The following RNF17 variants were observed in gnomAD, a reference collection of about 807,000 sequenced individuals.
The protein encoded by RNF17 is ring finger protein 17, also known as spermatogenesis associated 23.
In RNF17, 31 loss-of-function variants were observed where a neutral mutation model predicts 200.5. The ratio of observed to expected loss-of-function variants is 0.15; its 90% CI spans 0.12 to 0.21. RNF17 has a LOEUF of 0.21. Ranked by LOEUF, RNF17 falls within the 10% of genes least tolerant of loss-of-function variation. RNF17 has a pLI of 1.00. For missense variants in RNF17, 1,628 were observed against 1,905.1 expected (o/e 0.85, Z 2.71); for synonymous variants, 606 against 637.8 (o/e 0.95, Z 0.75).
downstream of RNF17, chr13:24,883,200 C>T: frequency 6.2e-7 from 1 of 1,614,072 alleles, no homozygotes; most frequent in Non-Finnish European, 8.5e-7. Flanking sequence ...TCCATTAGCA[C>T]ATTACCCTCC....
At chr13:24,816,414 A>G (rs55991921) in intron 15 of RNF17, among the ~76,000 whole-genome samples, 29,275 of 152,064 alleles carry the variant, frequency 0.19, 3,372 homozygotes, top group African/African-American at 0.33. Flanking sequence ...AGTGTGGGTC[A>G]CTTGTTCTAC....
intron 15 of RNF17, among the ~76,000 whole-genome samples, chr13:24,815,394 C>G (rs1474770256): frequency 6.6e-6 from 1 of 150,682 alleles, no homozygotes; most frequent in Non-Finnish European, 1.5e-5. Context: ...TTGTGTCTAG[C>G]AACTTTGCTG....
chr13:24,860,742 C>CA (rs553048083), intron 26 of RNF17, among the ~76,000 whole-genome samples: 1 of 150,752 alleles, frequency 6.6e-6, no homozygotes, highest in South Asian at 2.1e-4. Context: ...AGTTTTTTTT[C>CA]AAAAAAAAGT....
At chr13:24,866,545 C>T (rs1452322598) in intron 30 of RNF17, among the ~76,000 whole-genome samples, 3 of 152,128 alleles carry the variant, frequency 2.0e-5, no homozygotes, top group African/African-American at 2.4e-5. Context: ...GGTCCTTTGT[C>T]GCTGGCTTTT....
intron 10 of RNF17, chr13:24,794,214 A>C (rs969031929): frequency 2.2e-6 from 1 of 456,480 alleles, no homozygotes; most frequent in African/African-American, 2.0e-5. Context: ...TCTTCAGAAA[A>C]ACTCATCTGT....
intron 12 of RNF17, 54 bp from the exon 13 acceptor site, chr13:24,800,312 C>A: frequency 1.5e-6 from 2 of 1,305,258 alleles, no homozygotes; most frequent in Admixed American, 2.2e-5. Flanking sequence ...TGGGGGAAAA[C>A]AAATTTAAGT....
In RNF17 at chr13:24,872,488, G is replaced by A. The variant is rs1269421870; in HGVS notation, c.4448-1626G>A. On this transcript the variant is annotated intron_variant, in intron 32 of 35. Coordinates refer to ENST00000255324, the MANE Select transcript of RNF17 (RefSeq NM_031277.3). ...GGATGTACGAAGGGAAGTATATACC[G>A]TACTAATTTTTCCACCGTTTAACTC... Among the ~76,000 whole-genome samples the A allele has an allele frequency of 4.6e-5, 7 of 151,978 alleles. No homozygotes were observed. The East Asian group carries it at 5.8e-4, about 13-fold the overall frequency.
intron 31 of RNF17, among the ~76,000 whole-genome samples, chr13:24,870,102 C>T (rs1330330758): frequency 2.6e-5 from 4 of 152,054 alleles, no homozygotes; most frequent in Non-Finnish European, 2.9e-5. Context: ...CCACCACACG[C>T]GGCTAATTTT....
At chr13:24,759,101 AAAC>A in the RNF17 span, among the ~76,000 whole-genome samples, 2 of 151,120 alleles carry the variant, frequency 1.3e-5, no homozygotes, top group African/African-American at 2.4e-5. Context: ...AAAAAAAAAA[AAAC>A]AACACTTACA....
intron 1 of RNF17, among the ~76,000 whole-genome samples, chr13:24,766,225 T>C (rs10454667): frequency 0.18 from 27,815 of 152,230 alleles, 2,722 homozygotes; most frequent in South Asian, 0.34. Context: ...GATGAATAAA[T>C]AAATAAATAA....
At chr13:24,764,153 A>G (rs1333842554), upstream of RNF17, 2 of 1,527,610 alleles carry the variant, frequency 1.3e-6, no homozygotes, top group African/African-American at 2.7e-5. Flanking sequence ...CGCTGCCGCG[A>G]GGGCCGCCGG....
intron 2 of RNF17, among the ~76,000 whole-genome samples, chr13:24,771,321 A>ATTTTTTTTT (rs750139413): frequency 4.1e-5 from 3 of 72,916 alleles, no homozygotes; most frequent in African/African-American, 9.7e-5. Flanking sequence ...CACACAGATA[A>ATTTTTTTTT]TCTTTTTTTT....
At chr13:24,817,751 G>T (rs955932235) in intron 15 of RNF17, among the ~76,000 whole-genome samples, 2 of 151,616 alleles carry the variant, frequency 1.3e-5, no homozygotes, top group African/African-American at 2.4e-5. Context: ...CTTAAAATTG[G>T]TAGTATTGTC....
rs1483090199 is a variant in RNF17 at position 24,868,645 on chromosome 13, T to G, written c.4207T>G (p.Leu1403Val). ...ETDTPLLPPYLSSSLPSPGEL... is the reference protein window; with the variant it reads ...ETDTPLLPPYVSSSLPSPGEL... ...AGACACTCCTCTTTTACCACCATAT[T>G]TGTCTTCATCTCTGCCTTCCCCAGG... The change falls in exon 31 of 36, where the codon TTG (leucine) becomes GTG (valine). Residue 1403 changes from leucine to valine, a missense_variant. By Grantham distance (32) the Leu-to-Val change is conservative. Transcript: ENST00000255324. The G allele has an allele frequency of 6.2e-7, 1 of 1,611,330 alleles. No individual in the cohort carries two copies. The highest frequency in any genetic ancestry group is 8.5e-7 in the Non-Finnish European group (1 of 1,177,564).
In RNF17 at chr13:24,792,409, A is replaced by G. The variant is rs186276353; in HGVS notation, c.936-633A>G. On this transcript the variant is annotated intron_variant, in intron 9 of 35. Transcript: ENST00000255324. The stretch of plus-strand genomic sequence containing the variant: ...TAAAATTTAAAGCAGAGAAAGGGTA[A>G]TCTGTAAAAAAAAAACTTGAGAAGG... 3.5e-4 allele frequency among the ~76,000 whole-genome samples: 53 copies of G among 151,996 alleles called. No homozygotes were observed. In the South Asian group the frequency reaches 5.4e-3, roughly 15 times the overall value.
chr13:24,867,397 GT>G (rs984297052), intron 30 of RNF17, among the ~76,000 whole-genome samples: 2 of 151,800 alleles, frequency 1.3e-5, no homozygotes, highest in African/African-American at 2.4e-5. Flanking sequence ...CAATTTATCT[GT>G]TTTTTTTCTT....
chr13:24,850,423 A>G lies in RNF17; in HGVS notation c.3184A>G (p.Ile1062Val), dbSNP rs149990146. ...LYLTGAVATIILQVDSEENNT... is the reference protein window; with the variant it reads ...LYLTGAVATIVLQVDSEENNT... Reference sequence around the variant, plus strand: ...CCTGACTGGAGCTGTAGCAACTATAATCTTACAGGTGGATAGTGAGGTAAC... The same window carrying G: ...CCTGACTGGAGCTGTAGCAACTATAGTCTTACAGGTGGATAGTGAGGTAAC... The change falls in exon 23 of 36, where the codon ATC (isoleucine) becomes GTC (valine). Residue 1062 changes from isoleucine to valine, a missense_variant. Physicochemically the swap from Ile to Val is conservative, Grantham distance 29 (BLOSUM62 3). This residue lies in a region of RNF17 where 609 missense variants were observed against 681.9 expected (regional missense o/e 0.89). Transcript: ENST00000255324. The G allele has an allele frequency of 1.8e-5, 29 of 1,610,698 alleles. No homozygotes were observed. The highest frequency in any genetic ancestry group is 2.1e-5 in the Non-Finnish European group (25 of 1,177,478).
chr13:24,822,214 T>TAA (rs1410684638), intron 15 of RNF17, among the ~76,000 whole-genome samples: 1 of 152,150 alleles, frequency 6.6e-6, no homozygotes, highest in Non-Finnish European at 1.5e-5. Flanking sequence ...CTTCTTACTG[T>TAA]ACATGTGGCT....
intron 32 of RNF17, among the ~76,000 whole-genome samples, chr13:24,872,727 A>C (rs1286780877): frequency 6.6e-6 from 1 of 152,194 alleles, no homozygotes; most frequent in Non-Finnish European, 1.5e-5. Flanking sequence ...ATCAGTTACT[A>C]GGGCTTTGTT....
Sources: allele counts gnomAD v4.1 joint callset (sites outside exome capture counted in the v4.1 genomes callset), GRCh38; gene constraint gnomAD v4.1.1; regional missense constraint gnomAD v4.1.1; transcripts MANE v1.5; gene names NCBI Gene and HGNC (gene_info 2026-07-23, HGNC 2026-07-21).